Variants in PRKG1 observed in about 807,000 individuals in gnomAD.
The protein encoded by PRKG1 is cGMP-dependent protein kinase 1.
A neutral mutation model predicts 88.1 loss-of-function variants in PRKG1; 35 were observed. That is an observed-to-expected ratio of 0.40 (90% CI 0.30 to 0.53). The LOEUF is 0.53. Ranked by LOEUF, PRKG1 falls within the 20% of genes least tolerant of loss-of-function variation. The pLI, the probability that PRKG1 is intolerant of heterozygous loss-of-function variation, is 0.59. For missense variants in PRKG1, 540 were observed against 839.8 expected (o/e 0.64, Z 4.41); for synonymous variants, 303 against 292.5 (o/e 1.04, Z -0.37).
intron 5 of PRKG1, among the ~76,000 whole-genome samples, chr10:51,969,067 G>A (rs1468648944): frequency 6.6e-6 from 1 of 151,972 alleles, no homozygotes; most frequent in Non-Finnish European, 1.5e-5. Context: ...AAATATCAGG[G>A]TATGATTAAA....
intron 2 of PRKG1, among the ~76,000 whole-genome samples, chr10:51,379,712 T>G (rs547477637): frequency 2.0e-5 from 3 of 152,366 alleles, no homozygotes; most frequent in South Asian, 2.1e-4. Context: ...TTCTGTTCAC[T>G]CGACAGATTT....
intron 2 of PRKG1, among the ~76,000 whole-genome samples, chr10:51,413,973 C>T (rs536824414): frequency 2.0e-5 from 3 of 152,288 alleles, no homozygotes; most frequent in African/African-American, 2.4e-5. Context: ...GCATGAACGT[C>T]ACATGGACTT....
chr10:51,306,298 C>T (rs1034665615), intron 2 of PRKG1, among the ~76,000 whole-genome samples: 1 of 152,104 alleles, frequency 6.6e-6, no homozygotes, highest in East Asian at 1.9e-4. Flanking sequence ...ATTTTGGTTT[C>T]ACAGGCGAGA....
intron 2 of PRKG1, among the ~76,000 whole-genome samples, chr10:51,412,172 A>AGAGT (rs1243642207): frequency 1.3e-4 from 11 of 84,898 alleles, no homozygotes; most frequent in African/African-American, 6.0e-4. Flanking sequence ...TGATTAAAGG[A>AGAGT]GAGAGAGTGA....
chr10:51,570,243 A>G lies in PRKG1; in HGVS notation c.592+102407A>G, dbSNP rs151000811. Among the ~76,000 whole-genome samples, 360 of 151,824 alleles carry G rather than the reference A, an allele frequency of 2.4e-3. 2 individuals carry two copies. The highest frequency in any genetic ancestry group is 8.0e-3 in the African/African-American group (331 of 41,386). On this transcript the variant is annotated intron_variant, in intron 3 of 17. Transcript: ENST00000373980. ...CCACGTATAACTTTCAATTACACTCAAATTGAACTACTAGTAGCCTACTGA... is the reference window on the plus strand; with the variant it reads ...CCACGTATAACTTTCAATTACACTCGAATTGAACTACTAGTAGCCTACTGA...
intron 1 of PRKG1, among the ~76,000 whole-genome samples, chr10:51,114,546 C>T (rs766835871): frequency 3.3e-5 from 5 of 151,964 alleles, no homozygotes; most frequent in Admixed American, 1.3e-4. Flanking sequence ...GTAAATAACA[C>T]TTTTCCTTTT....
intron 1 of PRKG1, among the ~76,000 whole-genome samples, chr10:51,033,553 G>T (rs569071010): frequency 1.3e-5 from 2 of 152,086 alleles, no homozygotes; most frequent in Admixed American, 1.3e-4. Context: ...TGACATTTAG[G>T]TTGGCCAATT....
At chr10:51,219,673 G>A (rs183642046) in intron 2 of PRKG1, among the ~76,000 whole-genome samples, 12 of 151,702 alleles carry the variant, frequency 7.9e-5, no homozygotes, top group Admixed American at 7.9e-4. Context: ...TCACACCACT[G>A]CACTAAAGCC....
chr10:51,467,051 T>C (rs1839924515), intron 2 of PRKG1, among the ~76,000 whole-genome samples: 1 of 152,124 alleles, frequency 6.6e-6, no homozygotes, highest in African/African-American at 2.4e-5. Flanking sequence ...TACTTGCAGG[T>C]AACAATATAT....
chr10:51,235,720 A>C (rs1838968929), intron 2 of PRKG1, among the ~76,000 whole-genome samples: 2 of 152,228 alleles, frequency 1.3e-5, no homozygotes, highest in Non-Finnish European at 2.9e-5. Context: ...GAAAAGGATA[A>C]AACCATTTAA....
chr10:51,346,875 A>G (rs534348999), intron 2 of PRKG1, among the ~76,000 whole-genome samples: 1 of 152,318 alleles, frequency 6.6e-6, no homozygotes, highest in South Asian at 2.1e-4. Context: ...CTTAAATTGA[A>G]TAAAGACTTT....
At chr10:51,200,865 G>A (rs749497898) in intron 2 of PRKG1, among the ~76,000 whole-genome samples, 6 of 152,092 alleles carry the variant, frequency 3.9e-5, no homozygotes, top group Non-Finnish European at 7.4e-5. Flanking sequence ...ATTAATCATC[G>A]ATCCACAGAA....
intron 3 of PRKG1, among the ~76,000 whole-genome samples, chr10:51,556,015 G>C (rs1026453147): frequency 5.9e-5 from 9 of 151,974 alleles, no homozygotes; most frequent in African/African-American, 1.7e-4. Context: ...CGAGAAAGAG[G>C]AAAGAAGGTA....
At chr10:51,299,196 T>C (rs539524042) in intron 2 of PRKG1, among the ~76,000 whole-genome samples, 2 of 152,218 alleles carry the variant, frequency 1.3e-5, no homozygotes, top group Admixed American at 1.3e-4. Context: ...CCATTCTTTT[T>C]ATCTGTATTT....
chr10:51,205,127 C>CTTTCTTTTTTTTTTTTGTTTTT (rs1433048297), intron 2 of PRKG1, among the ~76,000 whole-genome samples: 1 of 64,030 alleles, frequency 1.6e-5, no homozygotes, highest in Non-Finnish European at 3.0e-5. Context: ...ATTTTCTTTT[C>CTTTCTTTTTTTTTTTTGTTTTT]TTTTTTTTTT....
intron 3 of PRKG1, among the ~76,000 whole-genome samples, chr10:51,785,585 T>C (rs1164095894): frequency 6.6e-6 from 1 of 152,098 alleles, no homozygotes. Context: ...TTCACAATAC[T>C]AAGTGGAGAC....
At chr10:51,476,997 C>A (rs778026267) in intron 3 of PRKG1, among the ~76,000 whole-genome samples, 2 of 151,940 alleles carry the variant, frequency 1.3e-5, no homozygotes, top group Non-Finnish European at 2.9e-5. Flanking sequence ...GGTGAGGCAA[C>A]TGAGTTTTAA....
chr10:51,699,350 TG>T, intron 3 of PRKG1: 1 of 1,614,148 alleles, frequency 6.2e-7, no homozygotes, highest in Non-Finnish European at 8.5e-7. Flanking sequence ...CGCGGTCTCC[TG>T]GTCTTGGTAT....
At chr10:52,012,472 G>A (rs1425119617) in intron 5 of PRKG1, among the ~76,000 whole-genome samples, 1 of 152,078 alleles carries the variant, frequency 6.6e-6, no homozygotes, top group Non-Finnish European at 1.5e-5. Context: ...TCGATCTCCT[G>A]ACCTCGTGAT....
Sources: allele counts gnomAD v4.1 joint callset (sites outside exome capture counted in the v4.1 genomes callset), GRCh38; gene constraint gnomAD v4.1.1; transcripts MANE v1.5; gene names NCBI Gene and HGNC (gene_info 2026-07-23, HGNC 2026-07-21).